NAA50: variants seen among roughly 807,000 people sequenced by gnomAD.
NAA50 encodes the protein N-alpha-acetyltransferase 50.
Under a neutral mutation model 20.7 loss-of-function variants are expected in NAA50, and 7 were observed. The ratio of observed to expected loss-of-function variants is 0.34; its 90% CI spans 0.19 to 0.63. NAA50 has a LOEUF of 0.63. Ranked by LOEUF, NAA50 falls within the 30% of genes least tolerant of loss-of-function variation. The pLI is 0.75. For synonymous variants in NAA50, 54 were observed against 70.6 expected (o/e 0.77, Z 1.18); for missense variants, 111 against 199.1 (o/e 0.56, Z 2.66).
chr3:113,739,515 T>A (rs943519310), intron 1 of NAA50: 3 of 152,208 alleles, frequency 2.0e-5, no homozygotes, highest in Admixed American at 2.0e-4. Flanking sequence ...AAGCATTCAC[T>A]ACAGCACTAT....
chr3:113,724,223 G>T, intron 1 of NAA50, 128 bp from the exon 2 acceptor site: 2 of 1,045,262 alleles, frequency 1.9e-6, no homozygotes, highest in Non-Finnish European at 2.5e-6. Context: ...TGATTTATAA[G>T]CAAATTATCA....
chr3:113,721,122 C>G lies in NAA50; in HGVS notation c.*638G>C, dbSNP rs1241352214. 1 of 152,564 alleles carries G rather than the reference C, an allele frequency of 6.6e-6. No individual in the cohort carries two copies. Among genetic ancestry groups the G allele is most frequent in the East Asian group, 1.9e-4 (1 of 5,198 alleles). 9.5% of individuals were successfully genotyped at this position (152,564 alleles called of 1,614,324 possible). On this transcript the variant is annotated 3_prime_UTR_variant, in exon 5 of 5. Transcript: ENST00000240922. The stretch of plus-strand genomic sequence containing the variant: ...TCATTAGCAAAAAAGCAGTTTAACT[C>G]AAATACTTAGACCAAAGTATAACAC...
chr3:113,746,203 T>C lies in NAA50; in HGVS notation c.-254A>G, dbSNP rs917192696. On this transcript the variant is annotated 5_prime_UTR_variant, in exon 1 of 5. Coordinates refer to ENST00000240922, the MANE Select transcript of NAA50 (RefSeq NM_025146.4). ...CGTGCACTCGGGTCTCTCGGCTCCC[T>C]CCCGCCGCTGCCGCCAGCCAGACCC... is the stretch of plus-strand genomic sequence containing the variant. 2.4e-6 allele frequency: 1 copy of C among 421,648 alleles called. No individual in the cohort carries two copies. The allele number at this position is 421,648 out of a possible 1,614,324, so 26.1% of individuals were successfully genotyped here.
At chr3:113,731,093 G>A (rs1198259517) in intron 1 of NAA50, among the ~76,000 whole-genome samples, 3 of 152,132 alleles carry the variant, frequency 2.0e-5, no homozygotes, top group Non-Finnish European at 4.4e-5. Context: ...AATAATAAAT[G>A]AAGTGAGCAT....
At chr3:113,740,797 T>C (rs1451795132) in intron 1 of NAA50, 6 of 185,482 alleles carry the variant, frequency 3.2e-5, no homozygotes, top group Admixed American at 2.2e-4. Context: ...AGGTGGACAA[T>C]AATCAATTTG....
chr3:113,734,544 G>C (rs964877231), intron 1 of NAA50, among the ~76,000 whole-genome samples: 3 of 152,174 alleles, frequency 2.0e-5, no homozygotes, highest in Non-Finnish European at 4.4e-5. Context: ...GTACTTTCCA[G>C]GCATGTTATT....
chr3:113,730,157 C>T (rs752210475), intron 1 of NAA50, among the ~76,000 whole-genome samples: 14 of 151,896 alleles, frequency 9.2e-5, no homozygotes, highest in Non-Finnish European at 2.1e-4. Flanking sequence ...AAAAATTAGC[C>T]AGGTGTGGTG....
intron 1 of NAA50, among the ~76,000 whole-genome samples, chr3:113,724,852 C>T (rs747524882): frequency 5.9e-5 from 9 of 152,166 alleles, no homozygotes; most frequent in Non-Finnish European, 1.3e-4. Context: ...AGGAGGCTTT[C>T]CTTCACTTCG....
intron 1 of NAA50, among the ~76,000 whole-genome samples, chr3:113,729,854 G>A (rs1224793023): frequency 1.3e-5 from 2 of 152,008 alleles, no homozygotes; most frequent in Non-Finnish European, 2.9e-5. Context: ...CACCAGGCCT[G>A]GCTTTACAGC....
intron 2 of NAA50, 131 bp downstream of exon 2, chr3:113,723,828 G>C (rs1708166155): frequency 9.4e-7 from 1 of 1,060,328 alleles, no homozygotes; most frequent in Non-Finnish European, 1.3e-6. Context: ...TCACAACCTA[G>C]ACCACTCCCA....
Position 113,721,763 on chromosome 3 carries a change from G to A in NAA50, c.507C>T (p.Asn169=). Residue 169 remains asparagine, a synonymous_variant, in exon 5 of 5, where the codon AAC becomes AAT. Coordinates refer to ENST00000240922, the MANE Select transcript of NAA50 (RefSeq NM_025146.4). ...AGAAAGTTCATTTGTAATTTGTTCA[G>A]TTGTCTGTCTTTTGCACATCTGCAT... ...GQNADVQKTD[N] is the part of the protein sequence containing the mutation. The A allele has an allele frequency of 6.2e-7, 1 of 1,613,780 alleles. No individual in the cohort carries two copies. Among genetic ancestry groups the A allele is most frequent in the Non-Finnish European group, 8.5e-7 (1 of 1,179,764 alleles).
At chr3:113,737,929 G>A (rs1708367740) in intron 1 of NAA50, among the ~76,000 whole-genome samples, 1 of 152,142 alleles carries the variant, frequency 6.6e-6, no homozygotes, top group South Asian at 2.1e-4. Context: ...AAGGGGCTGG[G>A]CATGGTAGCT....
At chr3:113,741,472 TA>T (rs1281619708) in intron 1 of NAA50, among the ~76,000 whole-genome samples, 10 of 152,154 alleles carry the variant, frequency 6.6e-5, no homozygotes, top group Admixed American at 6.5e-4. Context: ...AGGCTGCATT[TA>T]AAAAAAGATG....
intron 1 of NAA50, among the ~76,000 whole-genome samples, chr3:113,740,323 A>C (rs554212302): frequency 1.3e-5 from 2 of 152,190 alleles, no homozygotes; most frequent in Admixed American, 6.5e-5. Flanking sequence ...GTAGATCCAC[A>C]TATCTAAGTT....
Position 113,745,986 on chromosome 3 carries a change from T to C in NAA50, c.-37A>G. ...GCTGAGGCCGTCGTTACCACCGATATCAACGCCGTCGTAGTCGCCGCCCTT... is the reference window on the plus strand; with the variant it reads ...GCTGAGGCCGTCGTTACCACCGATACCAACGCCGTCGTAGTCGCCGCCCTT... On this transcript the variant is annotated 5_prime_UTR_variant, in exon 1 of 5. Transcript: ENST00000240922. The C allele has an allele frequency of 6.2e-7, 1 of 1,605,882 alleles. No individual in the cohort carries two copies. Among genetic ancestry groups the C allele is most frequent in the South Asian group, 1.1e-5 (1 of 90,846 alleles).
chr3:113,723,751 T>C (rs1358670043), intron 2 of NAA50, among the ~76,000 whole-genome samples: 3 of 152,206 alleles, frequency 2.0e-5, no homozygotes, highest in Non-Finnish European at 4.4e-5. Flanking sequence ...AGGTATACAC[T>C]AAGAACACTA....
intron 1 of NAA50, among the ~76,000 whole-genome samples, chr3:113,736,063 TAA>T (rs1490111460): frequency 6.6e-6 from 1 of 152,250 alleles, no homozygotes; most frequent in African/African-American, 2.4e-5. Flanking sequence ...CGATTTTACA[TAA>T]AGTCTCAAAT....
Position 113,720,251 on chromosome 3 carries a change from A to G in NAA50, c.*1509T>C, listed in dbSNP as rs1296847844. On this transcript the variant is annotated 3_prime_UTR_variant, in exon 5 of 5. Coordinates refer to ENST00000240922, the MANE Select transcript of NAA50 (RefSeq NM_025146.4). Reference sequence around the variant, plus strand: ...TTATAAAATAATTTTGTCATTTAACATATTTGGAAATGAGACTTTATACCG... The same window carrying G: ...TTATAAAATAATTTTGTCATTTAACGTATTTGGAAATGAGACTTTATACCG... The G allele has an allele frequency of 1.3e-5, 2 of 152,450 alleles. No homozygotes were observed. The highest frequency in any genetic ancestry group is 1.9e-4 in the East Asian group (1 of 5,206). 9.4% of individuals were successfully genotyped at this position (152,450 alleles called of 1,614,324 possible).
At chr3:113,722,650 T>A (rs749191426) in intron 4 of NAA50, among the ~76,000 whole-genome samples, 1 of 152,188 alleles carries the variant, frequency 6.6e-6, no homozygotes, top group Non-Finnish European at 1.5e-5. Flanking sequence ...TGAGTTTTAA[T>A]CCTGATTTCA....
Sources: gnomAD v4.1 joint callset for allele counts (sites outside exome capture counted in the v4.1 genomes callset) on GRCh38, gnomAD v4.1.1 for gene constraint, MANE v1.5 for transcripts, NCBI Gene and HGNC (gene_info 2026-07-23, HGNC 2026-07-21) for gene names.